The following DDC variants were observed in gnomAD, a reference collection of about 807,000 sequenced individuals.
The protein encoded by DDC is dopa decarboxylase, also known as aromatic-L-amino-acid decarboxylase.
A neutral mutation model predicts 60.0 loss-of-function variants in DDC; 43 were observed. The ratio of observed to expected loss-of-function variants is 0.72; its 90% CI spans 0.56 to 0.92. The LOEUF (loss-of-function observed/expected upper bound fraction) is 0.92, where lower values mean the gene tolerates loss of function less well. Ranked by LOEUF, DDC falls within the 40% of genes least tolerant of loss-of-function variation. DDC has a pLI of 0.00. For missense variants in DDC, 573 were observed against 620.2 expected (o/e 0.92, Z 0.81); for synonymous variants, 232 against 234.6 (o/e 0.99, Z 0.10).
At chr7:50,531,871 C>A (rs73123254) in intron 4 of DDC, 13,546 of 152,142 alleles carry the variant, frequency 0.089, 962 homozygotes, top group South Asian at 0.14. Flanking sequence ...CCATGGCAAG[C>A]CTGCTCAGGA....
intron 6 of DDC, among the ~76,000 whole-genome samples, chr7:50,524,540 GACAT>G (rs907514958): frequency 1.2e-4 from 18 of 152,294 alleles, no homozygotes; most frequent in Middle Eastern, 3.4e-3. Context: ...CATTGACGAG[GACAT>G]ATAGATAGTG....
intron 4 of DDC, among the ~76,000 whole-genome samples, chr7:50,531,455 C>T (rs1394988834): frequency 2.6e-5 from 4 of 152,164 alleles, no homozygotes; most frequent in Middle Eastern, 3.4e-3. Context: ...GCAGCTTCCC[C>T]GGCTAAATTC....
chr7:50,503,998 G>A lies in DDC; in HGVS notation c.776C>T (p.Pro259Leu), dbSNP rs1295940242. 2 of 1,612,336 alleles carry A rather than the reference G, an allele frequency of 1.2e-6. No homozygotes were observed. The highest frequency in any genetic ancestry group is 1.7e-5 in the Admixed American group (1 of 60,004). ...AAATGGAATCGGATACTTACAGATA[G>A]GACCGACTTCTAAGAGATTGTCAAA... ...CSFDNLLEVG[P>L]ICNKEDIWLH... Residue 259 changes from proline (P) to leucine (L), a missense_variant, in exon 7 of 15, where the codon CCT becomes CTT. By Grantham distance (98) the Pro-to-Leu change is moderately conservative (BLOSUM62 -3). Transcript: ENST00000444124.
At chr7:50,558,886 G>A (rs1250177194) in intron 1 of DDC, among the ~76,000 whole-genome samples, 1 of 152,184 alleles carries the variant, frequency 6.6e-6, no homozygotes, top group Non-Finnish European at 1.5e-5. Context: ...CTGCACATGA[G>A]AGAACAGGGG....
chr7:50,477,862 A>C (rs916188726), intron 10 of DDC, among the ~76,000 whole-genome samples: 1 of 152,186 alleles, frequency 6.6e-6, no homozygotes, highest in Non-Finnish European at 1.5e-5. Context: ...ACCACTGCAA[A>C]TGAAACAACA....
At chr7:50,529,883 T>C (rs571053937) in intron 4 of DDC, among the ~76,000 whole-genome samples, 4 of 152,276 alleles carry the variant, frequency 2.6e-5, no homozygotes, top group Admixed American at 2.0e-4. Flanking sequence ...CCCCAGGACC[T>C]CAGATGTGAC....
intron 6 of DDC, among the ~76,000 whole-genome samples, chr7:50,509,837 G>T (rs1392784772): frequency 9.2e-5 from 14 of 151,816 alleles, no homozygotes; most frequent in Non-Finnish European, 1.5e-5. Context: ...AGTAGAATGT[G>T]AGAGTATGTA....
At chr7:50,459,708 A>G in intron 14 of DDC, 1 of 147,508 alleles carries the variant, frequency 6.8e-6, no homozygotes, top group Non-Finnish European at 1.4e-5. Flanking sequence ...AAGTGAGGAG[A>G]CCCTCCGCCT....
At chr7:50,499,534 C>T (rs1167449032) in intron 7 of DDC, among the ~76,000 whole-genome samples, 1 of 152,194 alleles carries the variant, frequency 6.6e-6, no homozygotes, top group Non-Finnish European at 1.5e-5. Context: ...GTGTGACAGC[C>T]TCATGTTACT....
chr7:50,518,748 T>C (rs958696506), intron 6 of DDC, among the ~76,000 whole-genome samples: 4 of 152,192 alleles, frequency 2.6e-5, no homozygotes, highest in Non-Finnish European at 5.9e-5. Context: ...TCAAGATGGA[T>C]TGAGGACTTA....
intron 1 of DDC, among the ~76,000 whole-genome samples, chr7:50,559,366 C>CA (rs1481321899): frequency 6.6e-6 from 1 of 152,142 alleles, no homozygotes; most frequent in Non-Finnish European, 1.5e-5. Context: ...TCTGGGCTCC[C>CA]TGAATGTCTT....
At chr7:50,555,889 CTCAA>C (rs1371303274) in intron 1 of DDC, among the ~76,000 whole-genome samples, 1 of 152,162 alleles carries the variant, frequency 6.6e-6, no homozygotes. Context: ...ATGTCCTGGA[CTCAA>C]ACACAGGTAC....
intron 6 of DDC, among the ~76,000 whole-genome samples, chr7:50,505,106 G>T (rs1441146443): frequency 6.6e-6 from 1 of 152,190 alleles, no homozygotes; most frequent in East Asian, 1.9e-4. Flanking sequence ...AGGACCTTGT[G>T]GTGCCACGAT....
At chr7:50,559,510 C>A (rs1424911095) in intron 1 of DDC, among the ~76,000 whole-genome samples, 4 of 151,544 alleles carry the variant, frequency 2.6e-5, no homozygotes. Context: ...TCACTGCAAC[C>A]TCCGCCTCCC....
At chr7:50,466,735 T>A (rs1264443332) in intron 13 of DDC, among the ~76,000 whole-genome samples, 3 of 152,156 alleles carry the variant, frequency 2.0e-5, no homozygotes, top group East Asian at 1.9e-4. Flanking sequence ...CACAACACAG[T>A]GTCAAACAGA....
At chr7:50,545,028 A>G (rs2044755281) in intron 1 of DDC, among the ~76,000 whole-genome samples, 1 of 152,198 alleles carries the variant, frequency 6.6e-6, no homozygotes, top group Non-Finnish European at 1.5e-5. Flanking sequence ...ATGGCTAGAC[A>G]GCACTTCTGC....
In DDC at chr7:50,513,379, T is replaced by C. The variant is rs764206775; in HGVS notation, c.715-9320A>G. 5.9e-5 allele frequency among the ~76,000 whole-genome samples: 9 copies of C among 152,058 alleles called. No homozygotes were observed. The South Asian group carries it at 1.0e-3, about 18-fold the overall frequency. On this transcript the variant is annotated intron_variant, in intron 6 of 14. Transcript: ENST00000444124. The stretch of plus-strand genomic sequence containing the variant: ...TTCCTGCTGGCACCACAGGGATCCA[T>C]TGGGAAGGCAGCCAGAGGAGCAGTG...
chr7:50,470,263 G>T, intron 11 of DDC, 92 bp from the exon 12 acceptor site: 1 of 962,858 alleles, frequency 1.0e-6, no homozygotes, highest in Non-Finnish European at 1.7e-6. Context: ...TCTCTTGGAG[G>T]CAGCCGATTC....
At chr7:50,528,381 TC>T in intron 5 of DDC, 101 bp from the exon 6 acceptor site, 1 of 1,485,948 alleles carries the variant, frequency 6.7e-7, no homozygotes, top group Middle Eastern at 2.1e-4. Flanking sequence ...AAACACAAGG[TC>T]CCTCTTAACG....
Sources: allele counts gnomAD v4.1 joint callset (sites outside exome capture counted in the v4.1 genomes callset), GRCh38; gene constraint gnomAD v4.1.1; transcripts MANE v1.5; gene names NCBI Gene and HGNC (gene_info 2026-07-23, HGNC 2026-07-21).